The following MGST2 variants were observed in gnomAD, a reference collection of about 807,000 sequenced individuals.
MGST2 encodes the protein microsomal glutathione S-transferase 2.
In MGST2, 9 loss-of-function variants were observed where a neutral mutation model predicts 16.6. That is an observed-to-expected ratio of 0.54 (90% CI 0.33 to 0.95). The LOEUF (loss-of-function observed/expected upper bound fraction) is 0.95, where lower values mean the gene tolerates loss of function less well. Among genes scored for constraint, MGST2 ranks in the 40% least tolerant of loss-of-function variants. MGST2 has a pLI of 0.03. For synonymous variants in MGST2, 79 were observed against 68.0 expected (o/e 1.16, Z -0.79); for missense variants, 159 against 175.1 (o/e 0.91, Z 0.52).
intron 1 of MGST2, among the ~76,000 whole-genome samples, chr4:139,669,465 C>T (rs1369926771): frequency 6.6e-6 from 1 of 152,186 alleles, no homozygotes; most frequent in Non-Finnish European, 1.5e-5. Flanking sequence ...GATACACTGC[C>T]CTTCAATGTT....
intron 1 of MGST2, 95 bp from the exon 2 acceptor site, chr4:139,678,448 G>A: frequency 2.3e-6 from 2 of 854,298 alleles, no homozygotes; most frequent in Non-Finnish European, 3.9e-6. Context: ...ATTGTAATAG[G>A]TATGTAGTAC....
chr4:139,734,738 G>C (rs1354587358), intron 5 of MGST2, among the ~76,000 whole-genome samples: 1 of 152,244 alleles, frequency 6.6e-6, no homozygotes, highest in Non-Finnish European at 1.5e-5. Context: ...TGTGCGTAGG[G>C]AAGCTTTATT....
chr4:139,741,661 C>T (rs28403134), downstream of MGST2, among the ~76,000 whole-genome samples: 11,839 of 152,072 alleles, frequency 0.078, 552 homozygotes, highest in East Asian at 0.21. Flanking sequence ...GTGGGAGGAT[C>T]GCTTGAGCCT....
chr4:139,734,059 CA>C (rs1459805546), intron 5 of MGST2, among the ~76,000 whole-genome samples: 5 of 152,322 alleles, frequency 3.3e-5, no homozygotes, highest in Non-Finnish European at 7.3e-5. Context: ...AGCTCTGCGG[CA>C]TTCAACAGTG....
At chr4:139,694,900 T>C (rs1255323632) in intron 2 of MGST2, among the ~76,000 whole-genome samples, 1 of 152,240 alleles carries the variant, frequency 6.6e-6, no homozygotes, top group East Asian at 1.9e-4. Flanking sequence ...TCTTAAGTTC[T>C]TTAGATAAGA....
chr4:139,697,057 A>C (rs1016262457), intron 3 of MGST2, among the ~76,000 whole-genome samples: 1 of 152,118 alleles, frequency 6.6e-6, no homozygotes, highest in African/African-American at 2.4e-5. Flanking sequence ...TCAGGGACAA[A>C]GCATTGATGG....
chr4:139,702,844 G>GCTTTTTTTTTTTT (rs1727327089), intron 3 of MGST2, among the ~76,000 whole-genome samples: 1 of 46,424 alleles, frequency 2.2e-5, no homozygotes, highest in African/African-American at 6.2e-5. Context: ...TGTGTTACTG[G>GCTTTTTTTTTTTT]TTTTTTTTTT....
downstream of MGST2, among the ~76,000 whole-genome samples, chr4:139,708,277 A>T (rs1257863724): frequency 6.6e-6 from 1 of 152,240 alleles, no homozygotes; most frequent in South Asian, 2.1e-4. Context: ...AGCTTTCTAC[A>T]TATGGCTAGC....
At chr4:139,733,021 GC>G (rs1728786480) in intron 5 of MGST2, among the ~76,000 whole-genome samples, 1 of 152,166 alleles carries the variant, frequency 6.6e-6, no homozygotes, top group African/African-American at 2.4e-5. Flanking sequence ...CCTTGCAGGG[GC>G]CTAGATATTT....
intron 2 of MGST2, among the ~76,000 whole-genome samples, chr4:139,680,122 T>C (rs938311758): frequency 1.3e-5 from 2 of 152,246 alleles, no homozygotes; most frequent in African/African-American, 4.8e-5. Context: ...TCAGTTGGCT[T>C]CTTTTTATGG....
intron 3 of MGST2, among the ~76,000 whole-genome samples, chr4:139,697,383 A>G (rs1726988154): frequency 6.6e-6 from 1 of 151,608 alleles, no homozygotes; most frequent in Admixed American, 6.6e-5. Flanking sequence ...CTCCTCAATG[A>G]TTTTCTTAAT....
At chr4:139,721,407 G>GT (rs1425852725) in intron 5 of MGST2, among the ~76,000 whole-genome samples, 1 of 152,138 alleles carries the variant, frequency 6.6e-6, no homozygotes, top group Non-Finnish European at 1.5e-5. Flanking sequence ...AAGAAAAATA[G>GT]TTTTTTTCCT....
intron 5 of MGST2, among the ~76,000 whole-genome samples, chr4:139,722,838 G>C (rs1728291671): frequency 6.6e-6 from 1 of 152,102 alleles, no homozygotes; most frequent in Non-Finnish European, 1.5e-5. Flanking sequence ...TATTTTCCCA[G>C]ATGCATAACA....
chr4:139,738,885 A>G (rs1341874081), intron 5 of MGST2, among the ~76,000 whole-genome samples: 3 of 152,216 alleles, frequency 2.0e-5, no homozygotes, highest in Non-Finnish European at 4.4e-5. Context: ...TGATCATGGT[A>G]TATACACAAT....
chr4:139,689,503 G>C (rs573869638), intron 2 of MGST2, among the ~76,000 whole-genome samples: 31 of 152,232 alleles, frequency 2.0e-4, no homozygotes, highest in African/African-American at 6.0e-4. Flanking sequence ...CTGTTGCTCT[G>C]ATCCCAGTCA....
At position 139,678,456 on chromosome 4, in the gene MGST2, T is replaced by A. The variant is rs894446788; in HGVS notation, c.59-87T>A. Reference sequence around the variant, plus strand: ...TTTAGACATTGTAATAGGTATGTAGTACTATCTAATTGTGATTTAAATTTG... The same window carrying A: ...TTTAGACATTGTAATAGGTATGTAGAACTATCTAATTGTGATTTAAATTTG... On this transcript the variant is annotated intron_variant, in intron 1 of 4. Coordinates refer to ENST00000265498, the MANE Select transcript of MGST2 (RefSeq NM_002413.5). 5.5e-6 allele frequency: 5 copies of A among 912,978 alleles called. No homozygotes were observed. The Admixed American group carries it at 9.7e-5, about 18-fold the overall frequency. The allele number at this position is 912,978 out of a possible 1,614,324, so 56.6% of individuals were successfully genotyped here. A position where few individuals can be genotyped will look rare whatever the true frequency, so the allele number is the denominator to read the frequency against.
intron 5 of MGST2, among the ~76,000 whole-genome samples, chr4:139,710,395 A>G (rs1477318569): frequency 6.6e-6 from 1 of 152,210 alleles, no homozygotes; most frequent in Non-Finnish European, 1.5e-5. Context: ...ACATGTAAGA[A>G]CTCATTTGAA....
chr4:139,726,033 C>T (rs977993903), intron 5 of MGST2, among the ~76,000 whole-genome samples: 5 of 152,234 alleles, frequency 3.3e-5, no homozygotes, highest in African/African-American at 1.2e-4. Flanking sequence ...ACACTCAGGG[C>T]CACCAGCCCC....
chr4:139,747,987 G>C, the MGST2 span, among the ~76,000 whole-genome samples: 1 of 150,762 alleles, frequency 6.6e-6, no homozygotes, highest in African/African-American at 2.4e-5. Flanking sequence ...CCGGGAGGTG[G>C]AGGTTGCAGT....
Sources: gnomAD v4.1 joint callset for allele counts (sites outside exome capture counted in the v4.1 genomes callset) on GRCh38, gnomAD v4.1.1 for gene constraint, MANE v1.5 for transcripts, NCBI Gene and HGNC (gene_info 2026-07-23, HGNC 2026-07-21) for gene names.